Variants in STAU2 observed in about 807,000 individuals in gnomAD.
STAU2 encodes double-stranded RNA-binding protein Staufen homolog 2.
Under a neutral mutation model 65.9 loss-of-function variants are expected in STAU2, and 20 were observed. The observed-to-expected ratio is 0.30, with a 90% confidence interval of 0.21 to 0.44. The LOEUF is 0.44. Ranked by LOEUF, STAU2 falls within the 20% of genes least tolerant of loss-of-function variation. STAU2 has a pLI of 1.00. For missense variants in STAU2, 558 were observed against 683.9 expected, an observed-to-expected ratio of 0.82 and a Z score of 2.05; for synonymous variants, 232 against 233.9, an observed-to-expected ratio of 0.99 and a Z score of 0.07.
At chr8:73,424,642 C>T (rs1816661927) in intron 13 of STAU2, among the ~76,000 whole-genome samples, 1 of 151,976 alleles carries the variant, frequency 6.6e-6, no homozygotes, top group South Asian at 2.1e-4. Context: ...CAGTTTTTGG[C>T]AACTATGAAT....
intron 13 of STAU2, among the ~76,000 whole-genome samples, chr8:73,495,572 T>C (rs904979644): frequency 1.4e-4 from 21 of 150,456 alleles, no homozygotes; most frequent in Admixed American, 9.3e-4. Context: ...AATAAAAACT[T>C]ATACTTTTTA....
intron 13 of STAU2, among the ~76,000 whole-genome samples, chr8:73,480,795 C>G (rs971954708): frequency 6.6e-6 from 1 of 152,052 alleles, no homozygotes; most frequent in Admixed American, 6.6e-5. Flanking sequence ...GCTGAGCAAT[C>G]TGACTTACGC....
intron 13 of STAU2, among the ~76,000 whole-genome samples, chr8:73,531,454 A>C (rs530956162): frequency 6.6e-6 from 1 of 152,276 alleles, no homozygotes; most frequent in Admixed American, 6.5e-5. Flanking sequence ...AGGGAAAAAC[A>C]TGAAACTCTT....
chr8:73,680,984 A>G (rs1272344776), intron 5 of STAU2, among the ~76,000 whole-genome samples: 2 of 151,974 alleles, frequency 1.3e-5, no homozygotes, highest in African/African-American at 4.8e-5. Context: ...AAATGACCAA[A>G]CCTAAGAATA....
intron 13 of STAU2, among the ~76,000 whole-genome samples, chr8:73,502,317 T>C (rs1209075242): frequency 6.6e-6 from 1 of 152,004 alleles, no homozygotes; most frequent in African/African-American, 2.4e-5. Context: ...TCATATTAAC[T>C]GTTGATACAT....
chr8:73,573,308 G>A (rs145316934), intron 12 of STAU2, among the ~76,000 whole-genome samples: 1,896 of 152,302 alleles, frequency 0.012, 30 homozygotes, highest in Middle Eastern at 0.017. Flanking sequence ...AATCAATATC[G>A]TGAAAATGGG....
chr8:73,721,287 C>CAAAAAAAAAAAAA (rs35721754), intron 3 of STAU2, among the ~76,000 whole-genome samples: 14 of 12,462 alleles, frequency 1.1e-3, no homozygotes, highest in East Asian at 2.7e-3. Flanking sequence ...ACCCCACCTC[C>CAAAAAAAAAAAAA]AAAAAAAAAA....
At chr8:73,422,531 T>C in intron 14 of STAU2, 83 bp downstream of exon 14, 1 of 1,140,374 alleles carries the variant, frequency 8.8e-7, no homozygotes, top group Non-Finnish European at 1.2e-6. Context: ...TATTGTCGAC[T>C]TTTTAAAACA....
At chr8:73,721,288 A>G (rs1231064499) in intron 3 of STAU2, among the ~76,000 whole-genome samples, 1 of 105,588 alleles carries the variant, frequency 9.5e-6, no homozygotes, top group Non-Finnish European at 1.9e-5. Context: ...CCCCACCTCC[A>G]AAAAAAAAAA....
intron 12 of STAU2, among the ~76,000 whole-genome samples, chr8:73,564,082 G>A (rs1004411511): frequency 3.9e-5 from 6 of 152,106 alleles, no homozygotes; most frequent in South Asian, 2.1e-4. Context: ...GCTTAGTGCC[G>A]GGAGAGAGCA....
chr8:73,594,951 C>A (rs567089944), intron 11 of STAU2, among the ~76,000 whole-genome samples: 106 of 152,272 alleles, frequency 7.0e-4, no homozygotes, highest in Non-Finnish European at 1.4e-3. Flanking sequence ...TACAACCATA[C>A]AACAAACTTT....
intron 13 of STAU2, among the ~76,000 whole-genome samples, chr8:73,485,141 C>CT (rs10524978): frequency 0.052 from 4,343 of 82,776 alleles, 584 homozygotes; most frequent in Non-Finnish European, 0.072. Context: ...CATCCTTACT[C>CT]TTTTTTTTTT....
chr8:73,488,227 TAA>T (rs1821010434), intron 13 of STAU2, among the ~76,000 whole-genome samples: 1 of 152,082 alleles, frequency 6.6e-6, no homozygotes, highest in Non-Finnish European at 1.5e-5. Context: ...AATAAAATGA[TAA>T]GACTAAAATC....
intron 13 of STAU2, among the ~76,000 whole-genome samples, chr8:73,459,976 G>A (rs987317384): frequency 6.6e-6 from 1 of 152,154 alleles, no homozygotes; most frequent in African/African-American, 2.4e-5. Context: ...AATGCTGCAG[G>A]AGGAATCTAG....
rs148604772 is a variant in STAU2, at chr8:73,560,376, G to A, written c.1223-8057C>T. ...ATTACAGGCGTGAGCCACCACGCCT[G>A]GCCAAAATGATGTATTTTAATGTGC... is the stretch of plus-strand genomic sequence containing the variant. On this transcript the variant is annotated intron_variant, in intron 12 of 14. Transcript: ENST00000524300. 7.8e-3 allele frequency among the ~76,000 whole-genome samples: 1,183 copies of A among 152,198 alleles called. 13 individuals carry two copies. Among genetic ancestry groups the A allele is most frequent in the African/African-American group, 0.027 (1,140 of 41,520 alleles).
intron 6 of STAU2, among the ~76,000 whole-genome samples, chr8:73,627,680 A>C (rs1323745251): frequency 6.6e-6 from 1 of 152,102 alleles, no homozygotes; most frequent in Non-Finnish European, 1.5e-5. Flanking sequence ...AGAATACTAA[A>C]TAGCAGCTGA....
chr8:73,610,992 G>A (rs1314105338), intron 9 of STAU2, among the ~76,000 whole-genome samples: 1 of 152,166 alleles, frequency 6.6e-6, no homozygotes, highest in Non-Finnish European at 1.5e-5. Context: ...GGAAATGAAT[G>A]CTGCATCACA....
intron 6 of STAU2, among the ~76,000 whole-genome samples, chr8:73,654,725 C>T (rs1476656345): frequency 4.7e-5 from 5 of 106,128 alleles, no homozygotes; most frequent in Non-Finnish European, 7.0e-5. Flanking sequence ...TTCGCTCTGT[C>T]GCCCAGGCTG....
chr8:73,644,061 T>C (rs1815181716), intron 6 of STAU2, among the ~76,000 whole-genome samples: 1 of 152,080 alleles, frequency 6.6e-6, no homozygotes, highest in Non-Finnish European at 1.5e-5. Context: ...ACCTGACAAA[T>C]TTAAGAGAAG....
Sources: allele counts gnomAD v4.1 joint callset (sites outside exome capture counted in the v4.1 genomes callset), GRCh38; gene constraint gnomAD v4.1.1; transcripts MANE v1.5; gene names NCBI Gene and HGNC (gene_info 2026-07-23, HGNC 2026-07-21).